Variants in DLGAP2 observed in about 807,000 individuals in gnomAD.
DLGAP2 encodes DLG associated protein 2, also known as disks large-associated protein 2.
Under a neutral mutation model 100.3 loss-of-function variants are expected in DLGAP2, and 26 were observed. That is an observed-to-expected ratio of 0.26 (90% CI 0.19 to 0.36). The LOEUF is 0.36. DLGAP2 is among the 10% of genes least tolerant of loss of function. The pLI is 1.00. For missense variants in DLGAP2, 1,858 were observed against 1,453.2 expected (o/e 1.28, Z -4.53); for synonymous variants, 886 against 630.1 (o/e 1.41, Z -6.08).
At chr8:1,458,004 ATATATATATAAT>A (rs1798367097) in intron 3 of DLGAP2, among the ~76,000 whole-genome samples, 3 of 94,592 alleles carry the variant, frequency 3.2e-5, no homozygotes, top group Non-Finnish European at 6.5e-5. Context: ...ATATATATAT[ATATATATATAAT>A]TTTTTATATG....
At chr8:1,460,049 T>C (rs1471785072) in intron 3 of DLGAP2, among the ~76,000 whole-genome samples, 2 of 152,188 alleles carry the variant, frequency 1.3e-5, no homozygotes, top group Non-Finnish European at 2.9e-5. Flanking sequence ...AGAGGGACCA[T>C]GAGAACACCC....
At chr8:1,224,998 T>G (rs1050002781) in intron 2 of DLGAP2, among the ~76,000 whole-genome samples, 1 of 152,202 alleles carries the variant, frequency 6.6e-6, no homozygotes, top group Non-Finnish European at 1.5e-5. Context: ...CTGTTGGAAA[T>G]GTAAAGTTAT....
intron 3 of DLGAP2, chr8:1,368,815 A>T (rs1377229042): frequency 6.6e-6 from 1 of 152,210 alleles, no homozygotes; most frequent in Non-Finnish European, 1.5e-5. Context: ...TGCAGCATGT[A>T]GGTAAACTTT....
chr8:1,071,099 T>C (rs2129037339), intron 2 of DLGAP2, among the ~76,000 whole-genome samples: 1 of 152,260 alleles, frequency 6.6e-6, no homozygotes, highest in African/African-American at 2.4e-5. Flanking sequence ...CCTGGCCTCC[T>C]CCCACTGGCT....
intron 3 of DLGAP2, among the ~76,000 whole-genome samples, chr8:1,376,084 A>C (rs1414059749): frequency 7.7e-6 from 1 of 129,584 alleles, no homozygotes; most frequent in East Asian, 2.2e-4. Flanking sequence ...CCCACCTCCT[A>C]CATTTGGGTT....
intron 6 of DLGAP2, among the ~76,000 whole-genome samples, chr8:1,578,875 G>T (rs957801079): frequency 6.6e-6 from 1 of 152,146 alleles, no homozygotes; most frequent in African/African-American, 2.4e-5. Flanking sequence ...AGATTCCCAG[G>T]GCTGATGGCC....
At chr8:1,465,078 C>A (rs1366619939) in intron 3 of DLGAP2, among the ~76,000 whole-genome samples, 1 of 152,214 alleles carries the variant, frequency 6.6e-6, no homozygotes, top group African/African-American at 2.4e-5. Context: ...GCCAGGGATC[C>A]CCTAATTCAG....
chr8:1,639,001 A>T (rs928961887), intron 8 of DLGAP2, among the ~76,000 whole-genome samples: 2 of 152,124 alleles, frequency 1.3e-5, no homozygotes, highest in Admixed American at 1.3e-4. Flanking sequence ...GCCGGGATGG[A>T]TTGGGATGAA....
intron 7 of DLGAP2, among the ~76,000 whole-genome samples, chr8:1,631,381 A>G (rs1024599143): frequency 3.3e-5 from 5 of 152,136 alleles, no homozygotes; most frequent in Non-Finnish European, 7.3e-5. Flanking sequence ...GCTGTCTACG[A>G]TACATCTTTG....
intron 8 of DLGAP2, among the ~76,000 whole-genome samples, chr8:1,657,262 G>A (rs1375821558): frequency 4.6e-5 from 7 of 152,170 alleles, no homozygotes; most frequent in African/African-American, 1.7e-4. Flanking sequence ...TAAGGACGTA[G>A]ACTAGAATTA....
At chr8:1,514,119 A>G (rs1044415925) in intron 4 of DLGAP2, among the ~76,000 whole-genome samples, 8 of 152,228 alleles carry the variant, frequency 5.3e-5, no homozygotes, top group African/African-American at 1.9e-4. Flanking sequence ...TGGCCACACG[A>G]GCAGCCCCAG....
intron 12 of DLGAP2, among the ~76,000 whole-genome samples, chr8:1,689,692 C>A (rs929204362): frequency 6.6e-6 from 1 of 152,100 alleles, no homozygotes; most frequent in African/African-American, 2.4e-5. Context: ...CAGATGACGC[C>A]CCGTGAGCCA....
chr8:1,442,484 C>T (rs936515534), intron 3 of DLGAP2, among the ~76,000 whole-genome samples: 91 of 146,432 alleles, frequency 6.2e-4, no homozygotes, highest in African/African-American at 2.1e-3. Context: ...GGGGGTTCAG[C>T]CACTGGGGGA....
chr8:1,255,380 C>T (rs1434211271), intron 2 of DLGAP2, among the ~76,000 whole-genome samples: 36 of 98,708 alleles, frequency 3.6e-4, no homozygotes, highest in East Asian at 1.4e-3. Flanking sequence ...TCATCCTGCC[C>T]GGGTGCTGTG....
intron 2 of DLGAP2, among the ~76,000 whole-genome samples, chr8:998,976 T>C (rs1350762133): frequency 1.3e-5 from 2 of 152,208 alleles, no homozygotes; most frequent in Non-Finnish European, 2.9e-5. Flanking sequence ...TGTAGCATGC[T>C]TGGGTCATGT....
At chr8:1,490,057 A>ATT (rs142682116) in intron 3 of DLGAP2, among the ~76,000 whole-genome samples, 2 of 150,926 alleles carry the variant, frequency 1.3e-5, no homozygotes, top group African/African-American at 4.9e-5. Flanking sequence ...GCACCCGGCT[A>ATT]TTTTTTTTGC....
At chr8:858,291 C>T (rs944318873) in intron 1 of DLGAP2, among the ~76,000 whole-genome samples, 2 of 152,216 alleles carry the variant, frequency 1.3e-5, no homozygotes, top group African/African-American at 4.8e-5. Context: ...GTGGAGCAAC[C>T]GTAAATGCAC....
chr8:1,656,663 T>G (rs1798292000), intron 8 of DLGAP2, among the ~76,000 whole-genome samples: 1 of 152,194 alleles, frequency 6.6e-6, no homozygotes, highest in South Asian at 2.1e-4. Context: ...GAGGGACCCA[T>G]CCACCTGAAT....
At chr8:1,218,572 C>T (rs55767258) in intron 2 of DLGAP2, among the ~76,000 whole-genome samples, 7,251 of 152,038 alleles carry the variant, frequency 0.048, 476 homozygotes, top group African/African-American at 0.14. Flanking sequence ...TAATGTGATG[C>T]CTCCACCTTT....
Sources: gnomAD v4.1 joint callset for allele counts (sites outside exome capture counted in the v4.1 genomes callset) on GRCh38, gnomAD v4.1.1 for gene constraint, MANE v1.5 for transcripts, NCBI Gene and HGNC (gene_info 2026-07-23, HGNC 2026-07-21) for gene names.